Variants in UMODL1 observed in about 807,000 individuals in gnomAD.
UMODL1 encodes uromodulin like 1.
In UMODL1, 128 loss-of-function variants were observed where a neutral mutation model predicts 136.3. That is an observed-to-expected ratio of 0.94 (90% CI 0.81 to 1.09). The LOEUF is 1.09. Among genes scored for constraint, UMODL1 ranks in the 50% least tolerant of loss-of-function variants. The pLI is 0.00. For synonymous variants in UMODL1, 721 were observed against 720.0 expected, an observed-to-expected ratio of 1.00 and a Z score of -0.02; for missense variants, 1,766 against 1,725.6, an observed-to-expected ratio of 1.02 and a Z score of -0.41.
chr21:42,098,360 C>A (rs2066582899), intron 6 of UMODL1, among the ~76,000 whole-genome samples: 1 of 152,166 alleles, frequency 6.6e-6, no homozygotes, highest in Non-Finnish European at 1.5e-5. Flanking sequence ...TCTCAAATAT[C>A]CCCATCACCT....
upstream of UMODL1, among the ~76,000 whole-genome samples, chr21:42,070,762 C>T (rs1165375725): frequency 3.3e-5 from 5 of 152,246 alleles, no homozygotes; most frequent in Admixed American, 6.5e-5. Context: ...ACCACAGCTT[C>T]GTGCTCTCAG....
At chr21:42,139,055 C>T (rs2067245507) in intron 22 of UMODL1, among the ~76,000 whole-genome samples, 1 of 152,118 alleles carries the variant, frequency 6.6e-6, no homozygotes, top group Admixed American at 6.5e-5. Context: ...GTGGTCCCAG[C>T]TACTTGGGAG....
intron 2 of UMODL1, among the ~76,000 whole-genome samples, chr21:42,081,368 T>G (rs1056371738): frequency 6.6e-6 from 1 of 152,228 alleles, no homozygotes; most frequent in Non-Finnish European, 1.5e-5. Flanking sequence ...CACTGGACCA[T>G]GACTAGCAGT....
chr21:42,096,950 C>T (rs184599544), intron 6 of UMODL1, among the ~76,000 whole-genome samples: 2 of 152,232 alleles, frequency 1.3e-5, no homozygotes, highest in Admixed American at 6.5e-5. Flanking sequence ...TTTAAGAAGC[C>T]GGGTGGTTGT....
At chr21:42,105,322 G>T (rs1019632422) in intron 9 of UMODL1, among the ~76,000 whole-genome samples, 4 of 152,156 alleles carry the variant, frequency 2.6e-5, no homozygotes, top group African/African-American at 9.7e-5. Context: ...GGCGGATCCA[G>T]CCTTCAGGTG....
chr21:42,068,286 G>A (rs889135613), upstream of UMODL1, among the ~76,000 whole-genome samples: 2 of 152,214 alleles, frequency 1.3e-5, no homozygotes, highest in Non-Finnish European at 2.9e-5. This position sits in a 1 kb window ranked among gnomAD's most constrained non-coding sequence, Gnocchi z 5.5. Context: ...CGGATGCCGG[G>A]GGGCCTATCC....
At chr21:42,121,372 T>TGC (rs759935231) in intron 16 of UMODL1, 148 bp downstream of exon 16, 7 of 688,648 alleles carry the variant, frequency 1.0e-5, no homozygotes, top group African/African-American at 1.8e-5. Flanking sequence ...GGTGCACGTG[T>TGC]GTGTGTGTGT....
chr21:42,074,765 C>G (rs561638389), intron 1 of UMODL1, among the ~76,000 whole-genome samples: 1 of 152,276 alleles, frequency 6.6e-6, no homozygotes, highest in South Asian at 2.1e-4. Context: ...CGCTCTGTCA[C>G]CTAGGCTGGA....
At chr21:42,133,747 A>G (rs1040160812) in intron 21 of UMODL1, among the ~76,000 whole-genome samples, 6 of 152,184 alleles carry the variant, frequency 3.9e-5, no homozygotes, top group Non-Finnish European at 1.5e-5. Context: ...CCGTCTGCAC[A>G]TGGCCTTCTT....
intron 5 of UMODL1, among the ~76,000 whole-genome samples, chr21:42,089,738 A>G (rs1206503167): frequency 6.6e-6 from 1 of 152,226 alleles, no homozygotes; most frequent in Non-Finnish European, 1.5e-5. Context: ...ATAGTTTGTA[A>G]AGAACTAATA....
chr21:42,067,026 G>A (rs1328800909), upstream of UMODL1, among the ~76,000 whole-genome samples: 1 of 148,088 alleles, frequency 6.8e-6, no homozygotes, highest in Non-Finnish European at 1.5e-5. Context: ...CCAGGCTGGA[G>A]TGCAGTGGCG....
intron 1 of UMODL1, among the ~76,000 whole-genome samples, 199 bp from the exon 2 acceptor site, chr21:42,075,806 G>T (rs983224798): frequency 6.6e-6 from 1 of 152,238 alleles, no homozygotes; most frequent in African/African-American, 2.4e-5. Flanking sequence ...ATTCTTCTGT[G>T]CTCACTCATG....
At chr21:42,075,692 G>A (rs1051304327) in intron 1 of UMODL1, among the ~76,000 whole-genome samples, 2 of 152,254 alleles carry the variant, frequency 1.3e-5, no homozygotes, top group African/African-American at 4.8e-5. Flanking sequence ...TTCGTATATG[G>A]ACCGTGAGAA....
intron 5 of UMODL1, among the ~76,000 whole-genome samples, chr21:42,090,018 C>T (rs2066471654): frequency 2.6e-5 from 4 of 152,192 alleles, no homozygotes; most frequent in Admixed American, 2.6e-4. Flanking sequence ...AGACTCAGTC[C>T]AGCCCAGAGT....
At chr21:42,128,016 C>T (rs768297255) in intron 20 of UMODL1, 185 bp downstream of exon 20, 19 of 778,760 alleles carry the variant, frequency 2.4e-5, no homozygotes, top group African/African-American at 1.0e-4. Flanking sequence ...AGCCCTTGGA[C>T]GGAGGACTCA....
intron 5 of UMODL1, among the ~76,000 whole-genome samples, chr21:42,088,759 T>TCCCTCTGGCCTCCTGCC (rs1222435531): frequency 8.3e-4 from 125 of 151,254 alleles, no homozygotes; most frequent in African/African-American, 2.9e-3. Flanking sequence ...TCTCCTCGGA[T>TCCCTCTGGCCTCCTGCC]CCCTCTGGCC....
intron 13 of UMODL1, among the ~76,000 whole-genome samples, chr21:42,114,956 C>T (rs2066883930): frequency 6.6e-6 from 1 of 152,228 alleles, no homozygotes. Flanking sequence ...TTGCTCATGC[C>T]AGCCATGGAG....
chr21:42,085,221 C>T lies in UMODL1; in HGVS notation c.482-70C>T. The T allele has an allele frequency of 1.9e-6, 3 of 1,569,282 alleles. No homozygotes were observed. The South Asian group carries it at 3.6e-5, about 19-fold the overall frequency. Reference sequence around the variant, plus strand: ...TCTGGTTCCCTCTCCTGCCCCCTCTCCCACCCCAGCAGCTTTTGTGACTTC... The same window carrying T: ...TCTGGTTCCCTCTCCTGCCCCCTCTTCCACCCCAGCAGCTTTTGTGACTTC... On this transcript the variant is annotated intron_variant, in intron 3 of 22. Transcript: ENST00000408910. This position sits in a 1 kb window ranked among gnomAD's most constrained non-coding sequence, Gnocchi z 4.5.
intron 2 of UMODL1, among the ~76,000 whole-genome samples, chr21:42,083,447 C>T (rs2066386349): frequency 6.6e-6 from 1 of 152,216 alleles, no homozygotes; most frequent in Non-Finnish European, 1.5e-5. Context: ...CCTAGGTCGG[C>T]CCCCACCACA....
Sources: allele counts gnomAD v4.1 joint callset (sites outside exome capture counted in the v4.1 genomes callset), GRCh38; gene constraint gnomAD v4.1.1; non-coding constraint Gnocchi (gnomAD v3.1); transcripts MANE v1.5; gene names NCBI Gene and HGNC (gene_info 2026-07-23, HGNC 2026-07-21).